The following AP3D1 variants were observed in gnomAD, a reference collection of about 807,000 sequenced individuals.
The protein encoded by AP3D1 is adaptor related protein complex 3 subunit delta 1.
In AP3D1, 51 loss-of-function variants were observed where a neutral mutation model predicts 147.6. The observed-to-expected ratio is 0.35, with a 90% CI of 0.28 to 0.44. The LOEUF is 0.44. Among genes scored for constraint, AP3D1 ranks in the 20% least tolerant of loss-of-function variants. AP3D1 has a pLI of 1.00. For missense variants in AP3D1, 1,421 were observed against 1,624.2 expected (o/e 0.87, Z 2.15); for synonymous variants, 760 against 663.0 (o/e 1.15, Z -2.25).
At chr19:2,140,035 G>T (rs2238600) in intron 1 of AP3D1, among the ~76,000 whole-genome samples, 5,793 of 152,164 alleles carry the variant, frequency 0.038, 188 homozygotes, top group East Asian at 0.14. Flanking sequence ...TTGTACAATG[G>T]AAAGAGTGCC....
chr19:2,151,165 G>A, intron 1 of AP3D1, 74 bp downstream of exon 1: 2 of 1,423,868 alleles, frequency 1.4e-6, no homozygotes, highest in Non-Finnish European at 9.6e-7. Context: ...GGCCGAGCAG[G>A]CCCAGTGAGC....
At chr19:2,116,534 G>A in intron 17 of AP3D1, 71 bp downstream of exon 17, 1 of 1,470,424 alleles carries the variant, frequency 6.8e-7, no homozygotes, top group East Asian at 2.4e-5. Context: ...AGAGGCCGCT[G>A]ACCTGCCTCA....
chr19:2,125,718 G>A (rs972800374), intron 9 of AP3D1, among the ~76,000 whole-genome samples: 5 of 152,134 alleles, frequency 3.3e-5, no homozygotes, highest in Admixed American at 2.0e-4. Context: ...AAACAGAAAT[G>A]TAGGCCGGGC....
chr19:2,143,389 C>T (rs772821758), intron 1 of AP3D1, among the ~76,000 whole-genome samples: 5 of 151,718 alleles, frequency 3.3e-5, no homozygotes, highest in African/African-American at 1.2e-4. Flanking sequence ...TACAGGCGCC[C>T]GCGACCATGC....
chr19:2,143,826 G>A (rs1051156279), intron 1 of AP3D1, among the ~76,000 whole-genome samples: 6 of 151,802 alleles, frequency 4.0e-5, no homozygotes, highest in Non-Finnish European at 8.8e-5. Context: ...GGTGGCTCAC[G>A]CCTGTAATCC....
At chr19:2,123,931 A>G in intron 9 of AP3D1, 52 bp from the exon 10 acceptor site, 1 of 1,548,528 alleles carries the variant, frequency 6.5e-7, no homozygotes, top group East Asian at 2.4e-5. Context: ...GCCAGCGCCG[A>G]CACCAACTCA....
chr19:2,148,160 A>G (rs950267481), intron 1 of AP3D1, among the ~76,000 whole-genome samples: 1 of 151,926 alleles, frequency 6.6e-6, no homozygotes, highest in Non-Finnish European at 1.5e-5. Flanking sequence ...AAAAAAAAAA[A>G]AAAGAAAAAG....
intron 8 of AP3D1, 127 bp from the exon 9 acceptor site, chr19:2,127,328 A>T: frequency 1.0e-6 from 1 of 989,974 alleles, no homozygotes; most frequent in Non-Finnish European, 1.5e-6. Context: ...CCCAGGAGGG[A>T]GCCCGTGCCT....
At chr19:2,158,088 C>T (rs751654452) in intron 1 of AP3D1, among the ~76,000 whole-genome samples, 2 of 152,112 alleles carry the variant, frequency 1.3e-5, no homozygotes, top group African/African-American at 2.4e-5. Context: ...CAGAGTCTTG[C>T]TCTGTCGCCC....
intron 31 of AP3D1, among the ~76,000 whole-genome samples, chr19:2,105,822 G>C (rs755832841): frequency 6.6e-6 from 1 of 152,198 alleles, no homozygotes; most frequent in Admixed American, 6.5e-5. Flanking sequence ...TCAGCCGGGC[G>C]CGGGGGCTCG....
intron 10 of AP3D1, 30 bp downstream of exon 10, chr19:2,123,800 C>T (rs767357876): frequency 1.9e-6 from 3 of 1,555,606 alleles, no homozygotes; most frequent in East Asian, 2.4e-5. Context: ...AGTGTGGGAC[C>T]CCATGGGCCC....
At chr19:2,126,242 C>G (rs2018751697) in intron 9 of AP3D1, among the ~76,000 whole-genome samples, 1 of 152,194 alleles carries the variant, frequency 6.6e-6, no homozygotes, top group Non-Finnish European at 1.5e-5. Context: ...GTCCACCGCC[C>G]AATGCCCCGT....
At chr19:2,140,459 T>G (rs1001581103) in intron 1 of AP3D1, among the ~76,000 whole-genome samples, 2 of 150,664 alleles carry the variant, frequency 1.3e-5, no homozygotes, top group South Asian at 4.2e-4. Flanking sequence ...GTGGTGGGTC[T>G]GCTCCAGTCA....
At chr19:2,154,010 C>T (rs1305654114), upstream of AP3D1, among the ~76,000 whole-genome samples, 7 of 149,058 alleles carry the variant, frequency 4.7e-5, no homozygotes, top group African/African-American at 1.5e-4. Context: ...TGCAGTGGTG[C>T]GATCTCAGCT....
In AP3D1 at chr19:2,129,412, C is replaced by T. The variant is rs1277929062; in HGVS notation, c.638G>A (p.Arg213His). ...AVNVICELAR[R>H]NPKNYLSLAP... ...CAGGGACAGGTAGTTCTTAGGGTTG[C>T]GTCTGGCCAGCTCGCAGATGACATT... is the stretch of plus-strand genomic sequence containing the variant. The change falls in exon 7 of 32, where the codon CGC becomes CAC. Residue 213 changes from arginine (R) to histidine (H), a missense_variant. Around this residue, in one of 6 missense-constraint regions of AP3D1, gnomAD observed 292 missense variants for 412.0 expected, o/e 0.71. Transcript: ENST00000643116. 3 of 1,614,098 alleles carry T rather than the reference C, an allele frequency of 1.9e-6. No individual in the cohort carries two copies. The highest frequency in any genetic ancestry group is 2.5e-6 in the Non-Finnish European group (3 of 1,179,996).
intron 9 of AP3D1, among the ~76,000 whole-genome samples, chr19:2,124,448 C>G (rs1183379375): frequency 6.6e-6 from 1 of 152,194 alleles, no homozygotes; most frequent in East Asian, 1.9e-4. Context: ...ACCCTCAGAG[C>G]CCCAGCTCTA....
At chr19:2,128,403 C>T (rs1190749219) in intron 8 of AP3D1, among the ~76,000 whole-genome samples, 1 of 152,198 alleles carries the variant, frequency 6.6e-6, no homozygotes, top group African/African-American at 2.4e-5. Flanking sequence ...CGCCCAGCCC[C>T]CGCTGTACCG....
At position 2,114,227 on chromosome 19, in the gene AP3D1, G is replaced by A. The variant is rs765983525; in HGVS notation, c.2499C>T (p.Asp833=). 4.8e-5 allele frequency: 77 copies of A among 1,612,668 alleles called. No individual in the cohort carries two copies. The highest frequency in any genetic ancestry group is 1.6e-4 in the Middle Eastern group (1 of 6,084). The part of the protein sequence containing the change: ...NTETSKSPEK[D]VPMVEKKSKK... ...TGCTCTTCTTTTCTACCATGGGAAC[G>A]TCCTTCTCAGGGGATTTTGAGGTCT... Residue 833 remains aspartate (D), a synonymous_variant, in exon 22 of 32, where the codon GAC becomes GAT. Coordinates refer to ENST00000643116, the MANE Select transcript of AP3D1 (RefSeq NM_001261826.3).
chr19:2,161,431 G>A (rs916444629), intron 1 of AP3D1, among the ~76,000 whole-genome samples: 1 of 151,880 alleles, frequency 6.6e-6, no homozygotes, highest in African/African-American at 2.4e-5. Flanking sequence ...CAAAGTGCTG[G>A]GATTACAGGC....
Sources: gnomAD v4.1 joint callset for allele counts (sites outside exome capture counted in the v4.1 genomes callset) on GRCh38, gnomAD v4.1.1 for gene constraint, gnomAD v4.1.1 regional missense constraint, MANE v1.5 for transcripts, NCBI Gene and HGNC (gene_info 2026-07-23, HGNC 2026-07-21) for gene names.